VIT: variants seen among roughly 807,000 people sequenced by gnomAD.
The protein encoded by VIT is vitrin.
VIT carries 99 observed loss-of-function variants against 78.0 expected under a neutral mutation model. That is an observed-to-expected ratio of 1.27 (90% CI 1.08 to 1.50). The LOEUF is 1.50. Ranked by LOEUF, VIT falls within the 40% of genes most tolerant of loss-of-function variation. The probability of loss-of-function intolerance (pLI) is 0.00; values close to 1 mark genes in which losing one functional copy is unlikely to be tolerated. For synonymous variants in VIT, 374 were observed against 334.3 expected (o/e 1.12, Z -1.29); for missense variants, 1,126 against 875.3 (o/e 1.29, Z -3.61).
At chr2:36,789,535 C>T (rs990104149) in intron 12 of VIT, among the ~76,000 whole-genome samples, 2 of 152,010 alleles carry the variant, frequency 1.3e-5, no homozygotes, top group African/African-American at 4.8e-5. Flanking sequence ...GAGGGCGGCC[C>T]GAGAAGGGTA....
At chr2:36,800,424 AATG>A (rs1429126859) in intron 12 of VIT, among the ~76,000 whole-genome samples, 1 of 152,164 alleles carries the variant, frequency 6.6e-6, no homozygotes. Context: ...CTTGTTCAAA[AATG>A]ATGAAGAATT....
At chr2:36,736,334 T>A (rs910809136) in intron 3 of VIT, among the ~76,000 whole-genome samples, 4 of 152,178 alleles carry the variant, frequency 2.6e-5, no homozygotes, top group Non-Finnish European at 4.4e-5. Flanking sequence ...AGGTTACTCA[T>A]TCAAAAAAGG....
At chr2:36,753,412 G>A (rs1273496972) in intron 4 of VIT, among the ~76,000 whole-genome samples, 1 of 152,168 alleles carries the variant, frequency 6.6e-6, no homozygotes, top group African/African-American at 2.4e-5. Context: ...GCAGGTGTCC[G>A]CGGCACCTTC....
At chr2:36,788,786 G>C (rs974586789) in intron 12 of VIT, among the ~76,000 whole-genome samples, 2 of 152,162 alleles carry the variant, frequency 1.3e-5, no homozygotes, top group Non-Finnish European at 2.9e-5. Context: ...ATTAAAAATA[G>C]CTGCTTTAAA....
At chr2:36,728,531 T>TTTTTATAAATTTA (rs1453098954) in intron 2 of VIT, among the ~76,000 whole-genome samples, 1 of 97,646 alleles carries the variant, frequency 1.0e-5, no homozygotes, top group African/African-American at 3.1e-5. Flanking sequence ...GAAAAAATAT[T>TTTTTATAAATTTA]GGCCGGGCGC....
At chr2:36,699,609 T>TATAG (rs1664907034) in intron 1 of VIT, among the ~76,000 whole-genome samples, 1 of 130,474 alleles carries the variant, frequency 7.7e-6, no homozygotes, top group Non-Finnish European at 1.6e-5. Context: ...TAGATATAGA[T>TATAG]ATAGATAGAT....
At chr2:36,699,584 T>TTATAGA (rs149502017) in intron 1 of VIT, among the ~76,000 whole-genome samples, 67 of 83,618 alleles carry the variant, frequency 8.0e-4, no homozygotes, top group East Asian at 5.5e-3. Flanking sequence ...TTAGAGGAGA[T>TTATAGA]TATAGATATA....
chr2:36,745,867 A>C (rs1249193462), intron 4 of VIT, among the ~76,000 whole-genome samples: 1 of 152,156 alleles, frequency 6.6e-6, no homozygotes, highest in Non-Finnish European at 1.5e-5. Context: ...GAGAGTGAAC[A>C]TGCTTGTCTT....
At chr2:36,756,733 G>C (rs1668790601) in intron 5 of VIT, among the ~76,000 whole-genome samples, 1 of 152,146 alleles carries the variant, frequency 6.6e-6, no homozygotes, top group Admixed American at 6.5e-5. Context: ...CACAACGGGA[G>C]CCATATAAAA....
At chr2:36,706,810 G>A (rs1665456312) in intron 1 of VIT, among the ~76,000 whole-genome samples, 1 of 152,222 alleles carries the variant, frequency 6.6e-6, no homozygotes, top group African/African-American at 2.4e-5. Context: ...CTATGCAAAT[G>A]AAGAGTGGCA....
At chr2:36,724,087 C>T (rs1438901674) in intron 2 of VIT, among the ~76,000 whole-genome samples, 6 of 151,154 alleles carry the variant, frequency 4.0e-5, no homozygotes, top group African/African-American at 9.7e-5. Flanking sequence ...GGTGCGATCT[C>T]GGCTCATTGC....
intron 6 of VIT, among the ~76,000 whole-genome samples, chr2:36,765,951 C>T (rs1049527419): frequency 6.6e-6 from 1 of 152,254 alleles, no homozygotes; most frequent in Non-Finnish European, 1.5e-5. Flanking sequence ...AGCTGGCATG[C>T]CCCAATGGGG....
chr2:36,800,300 G>A (rs1422868144), intron 12 of VIT, among the ~76,000 whole-genome samples: 2 of 152,120 alleles, frequency 1.3e-5, no homozygotes, highest in East Asian at 1.9e-4. Context: ...AGCTGAGATC[G>A]CGCCACTGCA....
chr2:36,761,169 G>A (rs1276987168), intron 6 of VIT, among the ~76,000 whole-genome samples: 1 of 152,198 alleles, frequency 6.6e-6, no homozygotes, highest in Non-Finnish European at 1.5e-5. Context: ...GAAATAAGAT[G>A]CCCACCTGCC....
intron 6 of VIT, chr2:36,759,463 C>G: frequency 7.4e-6 from 9 of 1,210,150 alleles, no homozygotes; most frequent in Non-Finnish European, 9.3e-6. Flanking sequence ...CAGCAAGCTG[C>G]TCATCCAAAT....
chr2:36,774,885 C>A, intron 8 of VIT, 117 bp from the exon 9 acceptor site: 1 of 1,511,722 alleles, frequency 6.6e-7, no homozygotes, highest in Non-Finnish European at 8.9e-7. Flanking sequence ...GCACAGAGAG[C>A]TCGGCCGACT....
intron 15 of VIT, among the ~76,000 whole-genome samples, chr2:36,810,512 A>G: frequency 6.6e-6 from 1 of 152,332 alleles, no homozygotes; most frequent in South Asian, 2.1e-4. Flanking sequence ...AGTGATAATA[A>G]TAATACTACT....
At chr2:36,795,929 A>G (rs1665864102) in intron 12 of VIT, among the ~76,000 whole-genome samples, 1 of 152,180 alleles carries the variant, frequency 6.6e-6, no homozygotes, top group Non-Finnish European at 1.5e-5. Context: ...ATGAGTGACA[A>G]TGCTATTGGT....
chr2:36,781,388 A>T (rs1664741198), intron 9 of VIT, among the ~76,000 whole-genome samples: 1 of 152,204 alleles, frequency 6.6e-6, no homozygotes. Flanking sequence ...CTAGCCAGCC[A>T]CTCACAGGCC....
Sources: allele counts gnomAD v4.1 joint callset (sites outside exome capture counted in the v4.1 genomes callset), GRCh38; gene constraint gnomAD v4.1.1; transcripts MANE v1.5; gene names NCBI Gene and HGNC (gene_info 2026-07-23, HGNC 2026-07-21).